USP22: variants seen among roughly 807,000 people sequenced by gnomAD.
The protein encoded by USP22 is ubiquitin specific peptidase 22.
A neutral mutation model predicts 68.1 loss-of-function variants in USP22; 22 were observed. The ratio of observed to expected loss-of-function variants is 0.32; its 90% CI spans 0.23 to 0.46. The LOEUF (loss-of-function observed/expected upper bound fraction) is 0.46, where lower values mean the gene tolerates loss of function less well. Among genes scored for constraint, USP22 ranks in the 20% least tolerant of loss-of-function variants. USP22 has a pLI of 1.00. For missense variants in USP22, 433 were observed against 695.8 expected, an observed-to-expected ratio of 0.62 and a Z score of 4.25; for synonymous variants, 279 against 274.2, an observed-to-expected ratio of 1.02 and a Z score of -0.17.
At chr17:21,031,935 A>G (rs1173301841) in intron 1 of USP22, among the ~76,000 whole-genome samples, 2 of 152,274 alleles carry the variant, frequency 1.3e-5, no homozygotes, top group Non-Finnish European at 2.9e-5. Context: ...GGCGCTAAAT[A>G]CAGAAAACAG....
intron 8 of USP22, among the ~76,000 whole-genome samples, chr17:21,008,607 G>C (rs1913850930): frequency 6.6e-6 from 1 of 152,194 alleles, no homozygotes; most frequent in Non-Finnish European, 1.5e-5. Context: ...CGGTTACAGA[G>C]TGGGTGGTGA....
chr17:20,999,605 A>G lies in USP22; in HGVS notation c.*3426T>C, dbSNP rs937436688. Reference sequence around the variant, plus strand: ...GAAAACTGGCCAGTTCTCAGAGAAAATGTAGCTTTATTATGACATAGGAGA... The same window carrying G: ...GAAAACTGGCCAGTTCTCAGAGAAAGTGTAGCTTTATTATGACATAGGAGA... On this transcript the variant is annotated 3_prime_UTR_variant, in exon 13 of 13. Transcript: ENST00000261497. 3.3e-5 allele frequency: 5 copies of G among 152,092 alleles called. No homozygotes were observed. Among genetic ancestry groups the G allele is most frequent in the Non-Finnish European group, 1.5e-5 (1 of 68,028 alleles). 9.4% of individuals were successfully genotyped at this position (152,092 alleles called of 1,614,324 possible). A position where few individuals can be genotyped will look rare whatever the true frequency, so the allele number is the denominator to read the frequency against.
chr17:21,006,155 G>A (rs559726830), intron 10 of USP22, among the ~76,000 whole-genome samples: 3 of 152,254 alleles, frequency 2.0e-5, no homozygotes, highest in South Asian at 4.1e-4. Flanking sequence ...CCAGGTTTTT[G>A]GTCATTTGTC....
In USP22 at chr17:21,028,567, A is replaced by T; in HGVS notation, c.279T>A (p.His93Gln). The change falls in exon 2 of 13, where the codon CAT becomes CAA. Residue 93 changes from histidine (H) to glutamine (Q), a missense_variant. Physicochemically the swap from His to Gln is conservative, Grantham distance 24. Coordinates refer to ENST00000261497, the MANE Select transcript of USP22 (RefSeq NM_015276.2). Reference protein sequence around the residue: ...GCFTKKHIHEHAKAKRHNLAI... With the variant: ...GCFTKKHIHEQAKAKRHNLAI... Reference sequence around the variant, plus strand: ...CCAGGTTGTGCCGCTTCGCCTTCGCATGCTCGTGAATATGCTTCTTTGTGA... The same window carrying T: ...CCAGGTTGTGCCGCTTCGCCTTCGCTTGCTCGTGAATATGCTTCTTTGTGA... The T allele has an allele frequency of 6.2e-7, 1 of 1,614,058 alleles. No homozygotes were observed. Among genetic ancestry groups the T allele is most frequent in the Non-Finnish European group, 8.5e-7 (1 of 1,179,994 alleles).
intron 6 of USP22, among the ~76,000 whole-genome samples, chr17:21,015,393 G>A (rs1476344361): frequency 6.6e-6 from 1 of 152,172 alleles, no homozygotes; most frequent in Non-Finnish European, 1.5e-5. Flanking sequence ...TTTGGGGGAT[G>A]TCCAGAAGCC....
At chr17:21,023,133 C>A (rs79764806) in intron 2 of USP22, among the ~76,000 whole-genome samples, 3,447 of 152,086 alleles carry the variant, frequency 0.023, 126 homozygotes, top group African/African-American at 0.079. Context: ...ACCATTAGAA[C>A]ACATGGACAC....
chr17:21,040,023 A>ACACT (rs1972406437), intron 1 of USP22, among the ~76,000 whole-genome samples: 1 of 152,052 alleles, frequency 6.6e-6, no homozygotes, highest in Non-Finnish European at 1.5e-5. Context: ...ATATAGTGAG[A>ACACT]CACTGTCTCT....
chr17:21,028,378 C>T (rs1378066693), intron 2 of USP22, among the ~76,000 whole-genome samples, 164 bp downstream of exon 2: 1 of 152,202 alleles, frequency 6.6e-6, no homozygotes, highest in East Asian at 1.9e-4. Flanking sequence ...TTCAGCTGAG[C>T]TCGGCTTGTC....
At chr17:21,042,420 A>C in intron 1 of USP22, 1 of 202,298 alleles carries the variant, frequency 4.9e-6, no homozygotes, top group Admixed American at 7.1e-5. Flanking sequence ...GAAAGGAAGA[A>C]TGGGGGAAGG....
chr17:21,006,014 C>T lies in USP22; in HGVS notation c.1322+882G>A, dbSNP rs188411554. 4.6e-4 allele frequency among the ~76,000 whole-genome samples: 70 copies of T among 152,276 alleles called. 2 individuals are homozygous for T. Among genetic ancestry groups the T allele is most frequent in the East Asian group, 3.7e-3 (19 of 5,186 alleles). Reference sequence around the variant, plus strand: ...GGGAGTGACAGCCACAGAAGGAACACGTGGAACCACCAGCAGCTGGAGGCG... The same window carrying T: ...GGGAGTGACAGCCACAGAAGGAACATGTGGAACCACCAGCAGCTGGAGGCG... On this transcript the variant is annotated intron_variant, in intron 10 of 12. Coordinates refer to ENST00000261497, the MANE Select transcript of USP22 (RefSeq NM_015276.2).
At position 21,035,277 on chromosome 17, in the gene USP22, T is replaced by C. The variant is rs190823742; in HGVS notation, c.172-6603A>G. ...TAACATATAATAATAAAACTCACAC[T>C]CAATTCTATCTCAATTTCTACTCTT... On this transcript the variant is annotated intron_variant, in intron 1 of 12. Coordinates refer to ENST00000261497, the MANE Select transcript of USP22 (RefSeq NM_015276.2). 1.6e-3 allele frequency among the ~76,000 whole-genome samples: 238 copies of C among 152,314 alleles called. 1 individual carries two copies. Among genetic ancestry groups the C allele is most frequent in the African/African-American group, 5.6e-3 (234 of 41,560 alleles).
At chr17:21,042,542 A>C in intron 1 of USP22, 123 bp downstream of exon 1, 1 of 937,800 alleles carries the variant, frequency 1.1e-6, no homozygotes, top group Non-Finnish European at 1.4e-6. Flanking sequence ...GGAGAGAGGA[A>C]GAGGAAGGAC....
chr17:21,022,071 G>C (rs1305461920), intron 2 of USP22, among the ~76,000 whole-genome samples: 2 of 152,150 alleles, frequency 1.3e-5, no homozygotes, highest in African/African-American at 4.8e-5. Context: ...CTGCACTCCA[G>C]CCTGGGCAAC....
Position 21,002,887 on chromosome 17 carries a change from C to T in USP22, c.*144G>A, listed in dbSNP as rs567358907. The T allele has an allele frequency of 5.1e-6, 5 of 986,522 alleles. No individual in the cohort carries two copies. The African/African-American group carries it at 8.0e-5, about 16-fold the overall frequency. The allele number at this position is 986,522 out of a possible 1,614,324, so 61.1% of individuals were successfully genotyped here. Reference sequence around the variant, plus strand: ...ATCCCGACCCGATGGGTCCCAGGTGCAGAGGGGCCACATCTGCATGGGAGG... The same window carrying T: ...ATCCCGACCCGATGGGTCCCAGGTGTAGAGGGGCCACATCTGCATGGGAGG... On this transcript the variant is annotated 3_prime_UTR_variant, in exon 13 of 13. Transcript: ENST00000261497.
In USP22 at chr17:21,009,004, C is replaced by T. The variant is rs190534026; in HGVS notation, c.1104-1008G>A. On this transcript the variant is annotated intron_variant, in intron 8 of 12. Transcript: ENST00000261497. ...TACTCAGGAGGCTGAGGCAGGAGAA[C>T]CGCTTGAACCTGGGAGATGGAGGTT... Among the ~76,000 whole-genome samples the T allele has an allele frequency of 2.0e-4, 30 of 147,256 alleles. No individual in the cohort carries two copies. In the East Asian group the frequency reaches 5.8e-3, roughly 28 times the overall value.
At chr17:21,041,142 C>T (rs1335025250) in intron 1 of USP22, among the ~76,000 whole-genome samples, 1 of 151,934 alleles carries the variant, frequency 6.6e-6, no homozygotes, top group African/African-American at 2.4e-5. Flanking sequence ...CTCGGCCTCC[C>T]CACGTGCTGG....
chr17:21,028,414 G>T, intron 2 of USP22, 128 bp downstream of exon 2: 2 of 1,411,242 alleles, frequency 1.4e-6, no homozygotes, highest in Non-Finnish European at 1.9e-6. Flanking sequence ...TGTCACCAGT[G>T]AGGGGCACGC....
At chr17:21,027,304 A>AAAAAAAAAAAAAAAAAAC (rs1972234315) in intron 2 of USP22, among the ~76,000 whole-genome samples, 1 of 144,714 alleles carries the variant, frequency 6.9e-6, no homozygotes, top group Non-Finnish European at 1.6e-5. Flanking sequence ...AAAAAAAAAA[A>AAAAAAAAAAAAAAAAAAC]AAAAAATCAG....
At position 21,000,806 on chromosome 17, in the gene USP22, T is replaced by C. The variant is rs1340713837; in HGVS notation, c.*2225A>G. ...GGCCAGGTGCGGTGGCTCACGCCTA[T>C]AATCCCAGCACTTTGGGACGCTGAG... is the stretch of plus-strand genomic sequence containing the variant. On this transcript the variant is annotated 3_prime_UTR_variant, in exon 13 of 13. Transcript: ENST00000261497. The C allele has an allele frequency of 6.6e-6, 1 of 152,224 alleles. No homozygotes were observed. The highest frequency in any genetic ancestry group is 2.4e-5 in the African/African-American group (1 of 41,454). The allele number at this position is 152,224 out of a possible 1,614,324, so 9.4% of individuals were successfully genotyped here.
Sources: allele counts gnomAD v4.1 joint callset (sites outside exome capture counted in the v4.1 genomes callset), GRCh38; gene constraint gnomAD v4.1.1; transcripts MANE v1.5; gene names NCBI Gene and HGNC (gene_info 2026-07-23, HGNC 2026-07-21).